The following SETBP1 variants were observed in gnomAD, a reference collection of about 807,000 sequenced individuals.
SETBP1 encodes the protein SET binding protein 1, also known as SET-binding protein.
SETBP1 carries 9 observed loss-of-function variants against 101.0 expected under a neutral mutation model. That is an observed-to-expected ratio of 0.09 (90% CI 0.05 to 0.16). The LOEUF is 0.16. Among genes scored for constraint, SETBP1 ranks in the 10% least tolerant of loss-of-function variants. The pLI is 1.00. For synonymous variants in SETBP1, 818 were observed against 788.5 expected, an observed-to-expected ratio of 1.04 and a Z score of -0.63; for missense variants, 1,858 against 2,033.8, an observed-to-expected ratio of 0.91 and a Z score of 1.66.
chr18:44,778,601 G>A (rs992204050), intron 2 of SETBP1, among the ~76,000 whole-genome samples: 1 of 152,118 alleles, frequency 6.6e-6, no homozygotes, highest in African/African-American at 2.4e-5. Flanking sequence ...TTCTTAAGTT[G>A]GCCAATTCAG....
intron 5 of SETBP1, among the ~76,000 whole-genome samples, chr18:45,060,490 A>G (rs1022176996): frequency 3.3e-5 from 5 of 152,168 alleles, no homozygotes; most frequent in African/African-American, 1.2e-4. Flanking sequence ...AGGGAAAGGA[A>G]TGGAGAAGGG....
intron 2 of SETBP1, among the ~76,000 whole-genome samples, chr18:44,856,902 C>G (rs541217193): frequency 4.6e-5 from 7 of 152,284 alleles, no homozygotes; most frequent in Non-Finnish European, 8.8e-5. Context: ...TGGAGCCACC[C>G]TTGCTTTGTA....
At chr18:44,825,900 A>G (rs573188415) in intron 2 of SETBP1, among the ~76,000 whole-genome samples, 20 of 152,316 alleles carry the variant, frequency 1.3e-4, no homozygotes, top group Admixed American at 3.3e-4. Flanking sequence ...GTCACCTACT[A>G]ACTGTGTGAT....
chr18:44,859,151 T>C (rs1196711131), intron 2 of SETBP1, among the ~76,000 whole-genome samples: 1 of 152,178 alleles, frequency 6.6e-6, no homozygotes, highest in Non-Finnish European at 1.5e-5. Context: ...ACAATGTTCA[T>C]AGCAGTGTAT....
At chr18:44,876,415 G>A in intron 3 of SETBP1, 1 of 604,428 alleles carries the variant, frequency 1.7e-6, no homozygotes. Context: ...TCCCAGCCTT[G>A]GCTGCAGACA....
chr18:44,831,044 A>G (rs1025823915), intron 2 of SETBP1, among the ~76,000 whole-genome samples: 2 of 152,210 alleles, frequency 1.3e-5, no homozygotes, highest in Admixed American at 1.3e-4. Context: ...GGCCTTGTAT[A>G]GAGCTGTCTT....
intron 2 of SETBP1, among the ~76,000 whole-genome samples, chr18:44,752,717 G>GT (rs2070412175): frequency 6.6e-6 from 1 of 152,132 alleles, no homozygotes; most frequent in Non-Finnish European, 1.5e-5. Context: ...TACAAAGAAG[G>GT]TTTGTAGGAA....
chr18:44,951,029 C>A lies in SETBP1; in HGVS notation c.1689C>A (p.Pro563=), dbSNP rs760400649. 1.2e-6 allele frequency: 2 copies of A among 1,614,050 alleles called. No individual in the cohort carries two copies. The highest frequency in any genetic ancestry group is 1.7e-6 in the Non-Finnish European group (2 of 1,180,022). Residue 563 remains proline, a synonymous_variant, in exon 4 of 6, where the codon CCC becomes CCA. Coordinates refer to ENST00000649279, the MANE Select transcript of SETBP1 (RefSeq NM_015559.3). This position sits in a 1 kb window ranked among gnomAD's most constrained non-coding sequence, Gnocchi z 7.8. The part of the protein sequence containing the change: ...KLMLEPPSAY[P]ITPSSPLYTN... ...TGCTGGAGCCCCCGTCTGCATATCCCATCACCCCATCCAGCCCTCTCTACA... is the reference window on the plus strand; with the variant it reads ...TGCTGGAGCCCCCGTCTGCATATCCAATCACCCCATCCAGCCCTCTCTACA...
Position 44,950,177 on chromosome 18 carries a change from C to G in SETBP1, c.837C>G (p.Asn279Lys), listed in dbSNP as rs773892934. 1.9e-6 allele frequency: 3 copies of G among 1,613,922 alleles called. No individual in the cohort carries two copies. The highest frequency in any genetic ancestry group is 2.5e-6 in the Non-Finnish European group (3 of 1,180,052). Residue 279 changes from asparagine (N) to lysine (K), a missense_variant, in exon 4 of 6, where the codon AAC becomes AAG. Asn to Lys is a moderately conservative substitution (Grantham distance 94). Coordinates refer to ENST00000649279, the MANE Select transcript of SETBP1 (RefSeq NM_015559.3). ...SAGNTWSQLSNNNKDLLLGGV... is the reference protein window; with the variant it reads ...SAGNTWSQLSKNNKDLLLGGV... ...GGAACACGTGGAGTCAGTTGTCTAA[C>G]AATAACAAAGATCTGCTCTTGGGAG... is the stretch of plus-strand genomic sequence containing the variant.
At chr18:44,710,246 C>T (rs952395263) in intron 2 of SETBP1, among the ~76,000 whole-genome samples, 1 of 152,110 alleles carries the variant, frequency 6.6e-6, no homozygotes, top group South Asian at 2.1e-4. Context: ...CAAAATGCAG[C>T]ACATCCCAGG....
At chr18:44,810,450 A>C (rs2071837526) in intron 2 of SETBP1, among the ~76,000 whole-genome samples, 1 of 152,230 alleles carries the variant, frequency 6.6e-6, no homozygotes, top group Admixed American at 6.5e-5. Flanking sequence ...GCTGAAAGCA[A>C]AATGCCTCTT....
At chr18:45,027,724 C>T (rs56739340) in intron 4 of SETBP1, among the ~76,000 whole-genome samples, 8,189 of 152,172 alleles carry the variant, frequency 0.054, 761 homozygotes, top group African/African-American at 0.19. Flanking sequence ...CTTACACGTG[C>T]GTTAGTTTTC....
chr18:44,851,620 C>G (rs79703889), intron 2 of SETBP1, among the ~76,000 whole-genome samples: 14,274 of 152,248 alleles, frequency 0.094, 763 homozygotes, highest in East Asian at 0.15. Context: ...CTTTTCCCCT[C>G]TCTCTTTCCT....
chr18:45,004,009 A>T (rs2072673100), intron 4 of SETBP1, among the ~76,000 whole-genome samples: 1 of 152,200 alleles, frequency 6.6e-6, no homozygotes, highest in East Asian at 1.9e-4. Context: ...GCATCTGGTG[A>T]GTAGAAGCCA....
intron 2 of SETBP1, among the ~76,000 whole-genome samples, chr18:44,748,171 GAAGGATGGA>G (rs1033061119): frequency 6.6e-6 from 1 of 152,100 alleles, no homozygotes; most frequent in African/African-American, 2.4e-5. Flanking sequence ...AGAAAGGAAG[GAAGGATGGA>G]AAGGATGGAA....
chr18:45,043,373 T>TCACA (rs2073548589), intron 5 of SETBP1, among the ~76,000 whole-genome samples: 1 of 145,958 alleles, frequency 6.9e-6, no homozygotes, highest in Non-Finnish European at 1.5e-5. Flanking sequence ...TCTCACACAC[T>TCACA]CACACACTCA....
Position 44,951,862 on chromosome 18 carries a change from A to G in SETBP1, c.2522A>G (p.His841Arg), listed in dbSNP as rs1229171334. Residue 841 changes from histidine (H) to arginine (R), a missense_variant, in exon 4 of 6, where the codon CAC (histidine) becomes CGC (arginine). By Grantham distance (29) the His-to-Arg change is conservative. Transcript: ENST00000649279. The surrounding 1 kb of genome is among the most constrained non-coding windows in gnomAD (Gnocchi z 7.8). ...AGACTGATGGCCAACTCCCCTTCAC[A>G]CCTGTGCGAGATTGGCTCCCTAAAG... is the stretch of plus-strand genomic sequence containing the variant. ...PPRLMANSPS[H>R]LCEIGSLKEI... The G allele has an allele frequency of 3.1e-6, 5 of 1,613,696 alleles. No homozygotes were observed. The highest frequency in any genetic ancestry group is 4.2e-6 in the Non-Finnish European group (5 of 1,179,958).
chr18:44,932,079 G>A (rs1261473532), intron 3 of SETBP1, among the ~76,000 whole-genome samples: 3 of 152,130 alleles, frequency 2.0e-5, no homozygotes, highest in East Asian at 1.9e-4. Flanking sequence ...GGCTGGTACT[G>A]GTTGTTCCTT....
In SETBP1 at chr18:45,026,480, C is replaced by T. The variant is rs115605966; in HGVS notation, c.4001-12005C>T. The stretch of plus-strand genomic sequence containing the variant: ...TAGCTTTCTTCCACCCTTAACCTAC[C>T]TTGATTTTACTTTACCGAAGCTCCA... On this transcript the variant is annotated intron_variant, in intron 4 of 5. Transcript: ENST00000649279. 4.4e-3 allele frequency among the ~76,000 whole-genome samples: 668 copies of T among 152,220 alleles called. 2 individuals are homozygous for T. The highest frequency in any genetic ancestry group is 7.1e-3 in the Non-Finnish European group (485 of 68,014).
Sources: allele counts gnomAD v4.1 joint callset (sites outside exome capture counted in the v4.1 genomes callset), GRCh38; gene constraint gnomAD v4.1.1; non-coding constraint Gnocchi (gnomAD v3.1); transcripts MANE v1.5; gene names NCBI Gene and HGNC (gene_info 2026-07-23, HGNC 2026-07-21).